PTPRT: variants seen among roughly 807,000 people sequenced by gnomAD.
PTPRT encodes the protein protein tyrosine phosphatase receptor type T.
In PTPRT, 56 loss-of-function variants were observed where a neutral mutation model predicts 176.8. The ratio of observed to expected loss-of-function variants is 0.32; its 90% confidence interval spans 0.26 to 0.40. The LOEUF (loss-of-function observed/expected upper bound fraction) is 0.40, where lower values mean the gene tolerates loss of function less well. PTPRT is among the 10% of genes least tolerant of loss of function. PTPRT has a pLI of 1.00. For synonymous variants in PTPRT, 783 were observed against 739.0 expected, an observed-to-expected ratio of 1.06 and a Z score of -0.96; for missense variants, 1,540 against 1,908.2, an observed-to-expected ratio of 0.81 and a Z score of 3.60.
At chr20:42,949,481 G>C (rs1206778295) in intron 1 of PTPRT, among the ~76,000 whole-genome samples, 1 of 152,196 alleles carries the variant, frequency 6.6e-6, no homozygotes, top group African/African-American at 2.4e-5. Flanking sequence ...CATGTGAGTA[G>C]AGCAACCATT....
At chr20:42,769,080 G>A (rs2077025824) in intron 5 of PTPRT, among the ~76,000 whole-genome samples, 1 of 152,210 alleles carries the variant, frequency 6.6e-6, no homozygotes, top group South Asian at 2.1e-4. Flanking sequence ...AATGAAAAGA[G>A]TAAATAACTC....
intron 1 of PTPRT, among the ~76,000 whole-genome samples, chr20:43,185,748 C>A (rs1444050342): frequency 6.6e-6 from 1 of 152,078 alleles, no homozygotes; most frequent in Non-Finnish European, 1.5e-5. Flanking sequence ...AGCTGGCCAA[C>A]ATGGTGAAAC....
chr20:42,703,673 A>C (rs1287523477), intron 6 of PTPRT, among the ~76,000 whole-genome samples: 1 of 152,192 alleles, frequency 6.6e-6, no homozygotes, highest in Non-Finnish European at 1.5e-5. Context: ...TTTACTACAC[A>C]GAAAAGCTTA....
At chr20:42,510,914 C>G (rs999209377) in intron 7 of PTPRT, among the ~76,000 whole-genome samples, 14 of 152,096 alleles carry the variant, frequency 9.2e-5, no homozygotes, top group Admixed American at 2.0e-4. Context: ...AACTTAATCC[C>G]CAATGTGGCA....
At position 42,085,918 on chromosome 20, in the gene PTPRT, T is replaced by C. The variant is rs532468358; in HGVS notation, c.3847-65A>G. The C allele has an allele frequency of 1.6e-5, 23 of 1,473,422 alleles. 1 individual carries two copies. In the African/African-American group the frequency reaches 2.6e-4, roughly 16 times the overall value. 91.3% of individuals were successfully genotyped at this position (1,473,422 alleles called of 1,614,324 possible). On this transcript the variant is annotated intron_variant, in intron 27 of 30. Transcript: ENST00000373187. ...AGGGGGCGGGTATCAAAGTCTCATT[T>C]ATCAACAAGCTTTTCTTTTCTTTTT...
chr20:42,391,086 T>C (rs1351686612), intron 9 of PTPRT, among the ~76,000 whole-genome samples: 1 of 152,198 alleles, frequency 6.6e-6, no homozygotes, highest in Non-Finnish European at 1.5e-5. Context: ...GGGTGAGTTA[T>C]TAATGAATTA....
At chr20:42,203,571 C>T (rs967604020) in intron 15 of PTPRT, among the ~76,000 whole-genome samples, 3 of 152,214 alleles carry the variant, frequency 2.0e-5, no homozygotes, top group Non-Finnish European at 2.9e-5. Flanking sequence ...TGTCACATCT[C>T]CTCTGAGGCT....
chr20:42,272,950 T>C (rs2056964415), intron 13 of PTPRT, among the ~76,000 whole-genome samples: 1 of 152,232 alleles, frequency 6.6e-6, no homozygotes, highest in African/African-American at 2.4e-5. Context: ...GACATGATAA[T>C]TGTTACTCTT....
At chr20:43,054,604 T>C (rs1004344710) in intron 1 of PTPRT, among the ~76,000 whole-genome samples, 15 of 151,474 alleles carry the variant, frequency 9.9e-5, no homozygotes, top group Non-Finnish European at 1.6e-4. Flanking sequence ...GTCCCTGATC[T>C]CTACCTCCCA....
chr20:42,083,136 A>AAAAAAAAAAAAAAAAG (rs146913637), intron 29 of PTPRT, among the ~76,000 whole-genome samples: 2 of 130,158 alleles, frequency 1.5e-5, no homozygotes, highest in African/African-American at 6.9e-5. Context: ...AAAAAAAAAA[A>AAAAAAAAAAAAAAAAG]GCAGGCTAAA....
chr20:43,167,942 G>A (rs1316573490), intron 1 of PTPRT, among the ~76,000 whole-genome samples: 1 of 152,222 alleles, frequency 6.6e-6, no homozygotes, highest in East Asian at 1.9e-4. Flanking sequence ...AAAGAACTCA[G>A]TTAAGCTGTG....
intron 6 of PTPRT, among the ~76,000 whole-genome samples, chr20:42,746,942 GA>G (rs1313554429): frequency 6.6e-6 from 1 of 152,116 alleles, no homozygotes; most frequent in Non-Finnish European, 1.5e-5. Context: ...AGGCATTGAA[GA>G]AGGCCCAGGA....
the PTPRT span, among the ~76,000 whole-genome samples, chr20:42,047,964 T>G: frequency 6.6e-6 from 1 of 151,604 alleles, no homozygotes; most frequent in Non-Finnish European, 1.5e-5. Context: ...GTTTGAAGGG[T>G]GAGGGTTGAG....
rs1268470569 is a variant in PTPRT at position 42,205,074 on chromosome 20, TG to T, written c.2343-5687del. Among the ~76,000 whole-genome samples, 3 of 85,952 alleles carry T rather than the reference TG, an allele frequency of 3.5e-5. No individual in the cohort carries two copies. The Admixed American group carries it at 5.5e-4, about 16-fold the overall frequency. 56.4% of individuals were successfully genotyped at this position (85,952 alleles called of 152,430 possible). A position where few individuals can be genotyped will look rare whatever the true frequency, so the allele number is the denominator to read the frequency against. On this transcript the variant is annotated intron_variant, in intron 15 of 30. Coordinates refer to ENST00000373187, the MANE Select transcript of PTPRT (RefSeq NM_007050.6). The stretch of plus-strand genomic sequence containing the variant: ...TGTGCCATGTTGGTCTGTGGTGGGG[TG>T]GGGGGAGGGGGGAGGGATAGCATTA...
intron 7 of PTPRT, among the ~76,000 whole-genome samples, chr20:42,481,170 T>C (rs1003714286): frequency 3.3e-5 from 5 of 152,188 alleles, no homozygotes; most frequent in African/African-American, 1.2e-4. Flanking sequence ...TAGGTGTGGC[T>C]GAGTTTCAAT....
intron 16 of PTPRT, among the ~76,000 whole-genome samples, chr20:42,190,690 A>G (rs1001795973): frequency 6.6e-6 from 1 of 152,212 alleles, no homozygotes; most frequent in African/African-American, 2.4e-5. Flanking sequence ...GCTTGTAACA[A>G]GTTCCCAGGA....
chr20:42,149,518 G>A (rs1162778900), intron 17 of PTPRT, among the ~76,000 whole-genome samples: 2 of 151,768 alleles, frequency 1.3e-5, no homozygotes, highest in East Asian at 3.9e-4. Flanking sequence ...CTGCCTCCTG[G>A]GTTCAAGTGA....
At chr20:42,368,726 G>GA (rs1419107081) in intron 9 of PTPRT, among the ~76,000 whole-genome samples, 3 of 152,158 alleles carry the variant, frequency 2.0e-5, no homozygotes, top group African/African-American at 7.2e-5. Context: ...CTCCTTCATT[G>GA]AAAAATATCA....
At chr20:42,186,954 C>T (rs1386742215) in intron 16 of PTPRT, among the ~76,000 whole-genome samples, 2 of 152,156 alleles carry the variant, frequency 1.3e-5, no homozygotes, top group African/African-American at 4.8e-5. Context: ...ATCTATGTTA[C>T]ATCTCTCCTG....
Sources: allele counts gnomAD v4.1 joint callset (sites outside exome capture counted in the v4.1 genomes callset), GRCh38; gene constraint gnomAD v4.1.1; transcripts MANE v1.5; gene names NCBI Gene and HGNC (gene_info 2026-07-23, HGNC 2026-07-21).